Variants in GSE1 observed in about 807,000 individuals in gnomAD.
GSE1 encodes the protein Gse1 coiled-coil protein.
GSE1 carries 32 observed loss-of-function variants against 112.6 expected under a neutral mutation model. The observed-to-expected ratio is 0.28, with a 90% CI of 0.21 to 0.38. The LOEUF (loss-of-function observed/expected upper bound fraction) is 0.38, where lower values mean the gene tolerates loss of function less well. Ranked by LOEUF, GSE1 falls within the 10% of genes least tolerant of loss-of-function variation. The pLI is 1.00. For synonymous variants in GSE1, 1,115 were observed against 735.6 expected (o/e 1.52, Z -8.35); for missense variants, 2,348 against 1,699.2 (o/e 1.38, Z -6.71).
At chr16:85,441,467 C>T (rs150516648) in intron 2 of GSE1, among the ~76,000 whole-genome samples, 2,969 of 152,126 alleles carry the variant, frequency 0.02, 53 homozygotes, top group East Asian at 0.1. Flanking sequence ...CCAGCCTGAC[C>T]AACATGGTGA....
chr16:85,308,742 T>G (rs186813943), intron 1 of GSE1, among the ~76,000 whole-genome samples: 1 of 151,790 alleles, frequency 6.6e-6, no homozygotes, highest in African/African-American at 2.4e-5. Context: ...GACAGCTGTT[T>G]CCTTCCTTTC....
At chr16:85,313,625 G>C (rs565437285) in intron 1 of GSE1, among the ~76,000 whole-genome samples, 28 of 152,184 alleles carry the variant, frequency 1.8e-4, no homozygotes, top group South Asian at 4.1e-4. Context: ...GCCCTAGGCT[G>C]GGGGGTGGGG....
chr16:85,272,628 C>G (rs34252941), intron 1 of GSE1, among the ~76,000 whole-genome samples: 93,055 of 151,924 alleles, frequency 0.61, 29,058 homozygotes, highest in African/African-American at 0.72. Flanking sequence ...GTGCGGGGAG[C>G]CTGGGCTGAC....
chr16:85,641,659 C>G (rs1179962675), intron 2 of GSE1, among the ~76,000 whole-genome samples: 2 of 152,270 alleles, frequency 1.3e-5, no homozygotes, highest in Non-Finnish European at 2.9e-5. Flanking sequence ...GTTCTTGTCA[C>G]TTGTGCGATG....
intron 1 of GSE1, among the ~76,000 whole-genome samples, chr16:85,233,183 G>A (rs191736584): frequency 1.1e-3 from 174 of 152,388 alleles, no homozygotes; most frequent in African/African-American, 4.0e-3. Flanking sequence ...TGTTTCCCTC[G>A]TGGGACCCTG....
Position 85,303,832 on chromosome 16 carries a change from C to T in GSE1, c.2284-53631C>T, listed in dbSNP as rs576388762. On this transcript the variant is annotated intron_variant, in intron 1 of 2. Transcript: ENST00000637419. ...CACAGGCCCTGGCCTGGCGGGGTTG[C>T]GAGGGTTGCATGGGAGAAGGCTGGG... Among the ~76,000 whole-genome samples the T allele has an allele frequency of 5.0e-3, 759 of 152,318 alleles. 8 individuals are homozygous for T. The highest frequency in any genetic ancestry group is 0.015 in the African/African-American group (642 of 41,566).
At chr16:85,344,216 G>C (rs921186010) in intron 1 of GSE1, among the ~76,000 whole-genome samples, 2 of 152,196 alleles carry the variant, frequency 1.3e-5, no homozygotes, top group African/African-American at 4.8e-5. Flanking sequence ...TAGGGATAGT[G>C]CCCAGGGGAA....
At chr16:85,550,190 C>T (rs1387409010) in intron 2 of GSE1, among the ~76,000 whole-genome samples, 2 of 152,018 alleles carry the variant, frequency 1.3e-5, no homozygotes, top group African/African-American at 2.4e-5. Flanking sequence ...GGGGGCGAGA[C>T]GGAATTTGAA....
chr16:85,656,968 A>G (rs2052012914), intron 7 of GSE1, among the ~76,000 whole-genome samples: 2 of 152,334 alleles, frequency 1.3e-5, no homozygotes, highest in Admixed American at 1.3e-4. Context: ...TTGTCCAGTA[A>G]TAACAACCAG....
chr16:85,385,607 G>GC (rs1359191597), intron 2 of GSE1, among the ~76,000 whole-genome samples: 4 of 152,154 alleles, frequency 2.6e-5, no homozygotes, highest in South Asian at 2.1e-4. Context: ...AAGTCCCGTG[G>GC]CACCCCCAGG....
intron 2 of GSE1, among the ~76,000 whole-genome samples, chr16:85,370,249 G>A (rs1408986396): frequency 2.0e-5 from 3 of 152,144 alleles, no homozygotes; most frequent in Non-Finnish European, 4.4e-5. Context: ...ACCCAGCCAG[G>A]CTCTGCCCCT....
At chr16:85,257,189 A>C (rs1185331344) in intron 1 of GSE1, among the ~76,000 whole-genome samples, 1 of 152,152 alleles carries the variant, frequency 6.6e-6, no homozygotes, top group Non-Finnish European at 1.5e-5. Context: ...GCCCACTGCA[A>C]CCTCCACCTC....
chr16:85,503,089 C>T lies in GSE1; in HGVS notation c.2465-130825C>T, dbSNP rs182811012. On this transcript the variant is annotated intron_variant, in intron 2 of 2. Transcript: ENST00000637419. ...ACCCTGTTGACATTGAGGGGTGCCC[C>T]GGGCAGAGGGCACGGCCAGTGCCAA... Among the ~76,000 whole-genome samples, 53 of 152,268 alleles carry T rather than the reference C, an allele frequency of 3.5e-4. No individual in the cohort carries two copies. The East Asian group carries it at 5.0e-3, about 14-fold the overall frequency.
chr16:85,375,466 G>C (rs2047398381), intron 2 of GSE1, among the ~76,000 whole-genome samples: 5 of 152,214 alleles, frequency 3.3e-5, no homozygotes, highest in Admixed American at 2.6e-4. Flanking sequence ...GAAGCAGCGG[G>C]TGTCACAAAG....
intron 10 of GSE1, 94 bp from the exon 11 acceptor site, chr16:85,663,250 C>A: frequency 7.0e-7 from 1 of 1,437,756 alleles, no homozygotes. Context: ...CAGCTACGGC[C>A]CACACTTCGA....
intron 1 of GSE1, among the ~76,000 whole-genome samples, chr16:85,174,691 C>T (rs577739835): frequency 6.6e-6 from 1 of 152,050 alleles, no homozygotes; most frequent in Non-Finnish European, 1.5e-5. Flanking sequence ...TCCAGCAGAG[C>T]AAAGTGCCGA....
chr16:85,619,504 G>C, intron 1 of GSE1, among the ~76,000 whole-genome samples: 1 of 152,224 alleles, frequency 6.6e-6, no homozygotes, highest in East Asian at 1.9e-4. Context: ...CAAAGCCCGG[G>C]GGTGCCAAGC....
At chr16:85,252,681 T>C (rs1414444248) in intron 1 of GSE1, among the ~76,000 whole-genome samples, 2 of 152,068 alleles carry the variant, frequency 1.3e-5, no homozygotes, top group African/African-American at 4.8e-5. Flanking sequence ...GTCATGCCGG[T>C]GTGGGGACGG....
chr16:85,586,714 G>A (rs1192783722), intron 1 of GSE1, among the ~76,000 whole-genome samples: 1 of 152,152 alleles, frequency 6.6e-6, no homozygotes, highest in Non-Finnish European at 1.5e-5. Flanking sequence ...GAGCAGCCGT[G>A]TGAGACCCCC....
Sources: gnomAD v4.1 joint callset for allele counts (sites outside exome capture counted in the v4.1 genomes callset) on GRCh38, gnomAD v4.1.1 for gene constraint, MANE v1.5 for transcripts, NCBI Gene and HGNC (gene_info 2026-07-23, HGNC 2026-07-21) for gene names.